Variants in ITIH6 observed in about 807,000 individuals in gnomAD.
The protein encoded by ITIH6 is inter-alpha-trypsin inhibitor heavy chain family member 6, also known as inter-alpha-trypsin inhibitor heavy chain H6.
Under a neutral mutation model 58.2 loss-of-function variants are expected in ITIH6, and 60 were observed. The ratio of observed to expected loss-of-function variants is 1.03; its 90% CI spans 0.84 to 1.28. The LOEUF is 1.28. Ranked by LOEUF, ITIH6 falls within the 50% of genes most tolerant of loss-of-function variation. ITIH6 has a pLI of 0.00. For synonymous variants in ITIH6, 493 were observed against 417.4 expected (o/e 1.18, Z -2.21); for missense variants, 1,290 against 1,021.1 (o/e 1.26, Z -3.59).
chrX:54,776,728 C>G (rs1234376572), intron 5 of ITIH6, among the ~76,000 whole-genome samples: 1 of 110,909 alleles, frequency 9.0e-6, no homozygotes, highest in Non-Finnish European at 1.9e-5. Flanking sequence ...AAGGGAAGGA[C>G]CCAGTTCTTG....
At chrX:54,754,004 T>C in intron 9 of ITIH6, 39 bp from the exon 10 acceptor site, 2 of 1,171,213 alleles carry the variant, frequency 1.7e-6, no homozygotes, top group South Asian at 3.6e-5. Context: ...AAGGGACTAA[T>C]GTATCACATT....
At chrX:54,779,957 G>A (rs1267395826) in intron 5 of ITIH6, among the ~76,000 whole-genome samples, 2 of 111,236 alleles carry the variant, frequency 1.8e-5, no homozygotes, top group South Asian at 3.7e-4. Context: ...TAAAGGGGTC[G>A]ATTTAGCAAG....
chrX:54,762,452 C>T (rs1177020310), intron 6 of ITIH6, among the ~76,000 whole-genome samples: 1 of 111,872 alleles, frequency 8.9e-6, no homozygotes, highest in Non-Finnish European at 1.9e-5. Flanking sequence ...GTAATCTGCT[C>T]TTCTGCCTCA....
chrX:54,788,435 T>G, intron 5 of ITIH6, 45 bp downstream of exon 5: 5 of 1,144,004 alleles, frequency 4.4e-6, no homozygotes, highest in Non-Finnish European at 4.8e-6. Context: ...CAGGCCTGTC[T>G]GACTCCAGAG....
chrX:54,762,173 C>A (rs1218859580), intron 6 of ITIH6, among the ~76,000 whole-genome samples: 1 of 111,427 alleles, frequency 9.0e-6, no homozygotes, highest in African/African-American at 3.3e-5. Context: ...AAGTTGGATT[C>A]CTAGGTATTT....
intron 2 of ITIH6, among the ~76,000 whole-genome samples, chrX:54,792,268 A>G (rs1299235395): frequency 8.9e-6 from 1 of 112,086 alleles, no homozygotes; most frequent in African/African-American, 3.2e-5. Flanking sequence ...AGATGGGGAA[A>G]TAGAGGCCAC....
chrX:54,775,557 C>G (rs1410095345), intron 5 of ITIH6, among the ~76,000 whole-genome samples: 2 of 111,908 alleles, frequency 1.8e-5, no homozygotes, highest in Non-Finnish European at 3.8e-5. Context: ...CAGTACTCCT[C>G]AGGTCCCCTC....
At chrX:54,796,541 G>A (rs1307859751) in intron 2 of ITIH6, among the ~76,000 whole-genome samples, 2 of 110,180 alleles carry the variant, frequency 1.8e-5, no homozygotes, top group South Asian at 3.9e-4. Flanking sequence ...AAAATTAGCC[G>A]GGTGTGGTGG....
chrX:54,757,653 C>T lies in ITIH6; in HGVS notation c.2421G>A (p.Gln807=), dbSNP rs1569543876. The T allele has an allele frequency of 8.3e-7, 1 of 1,210,767 alleles. No individual in the cohort carries two copies. ...LTSQAPKGLP[Q]SRPGVSTLQV... ...GAAGTGTAGAGACTCCAGGTCTTGA[C>T]TGTGGCAGGCCTTTAGGTGCCTGTG... The change falls in exon 8 of 13, where the codon CAG becomes CAA. Residue 807 remains glutamine (Q), a synonymous_variant. Coordinates refer to ENST00000218436, the MANE Select transcript of ITIH6 (RefSeq NM_198510.3).
chrX:54,753,542 G>A, intron 11 of ITIH6, 109 bp downstream of exon 11: 2 of 514,316 alleles, frequency 3.9e-6, no homozygotes, highest in Non-Finnish European at 6.8e-6. Context: ...CCGTGTGTTA[G>A]TGAGGTGCAT....
intron 5 of ITIH6, 28 bp from the exon 6 acceptor site, chrX:54,774,225 A>G: frequency 1.3e-6 from 1 of 773,498 alleles, no homozygotes; most frequent in Non-Finnish European, 1.9e-6. Context: ...AAAAAAAAGT[A>G]GAACCAAGAA....
chrX:54,755,907 T>C (rs1196344303), intron 8 of ITIH6, among the ~76,000 whole-genome samples: 1 of 111,029 alleles, frequency 9.0e-6, no homozygotes, highest in Non-Finnish European at 1.9e-5. Context: ...GTGATTTGTG[T>C]CTTTAAAGGA....
At chrX:54,754,056 C>G in intron 9 of ITIH6, 91 bp from the exon 10 acceptor site, 1 of 925,062 alleles carries the variant, frequency 1.1e-6, no homozygotes, top group Non-Finnish European at 1.5e-6. Flanking sequence ...GGGCCAAATT[C>G]CTGTGTTCAG....
At chrX:54,787,912 A>G (rs1929270518) in intron 5 of ITIH6, among the ~76,000 whole-genome samples, 1 of 110,661 alleles carries the variant, frequency 9.0e-6, no homozygotes, top group Admixed American at 9.6e-5. Flanking sequence ...GTGGAACCAG[A>G]TGTCTCAGGC....
In ITIH6 at chrX:54,757,401, G is replaced by A; in HGVS notation, c.2673C>T (p.Asp891=). ...MPQTPLPPRP[D]RPRPPLPESL... ...TCTCAGGAAGTGGGGGCCTTGGTCT[G>A]TCAGGTCTAGGAGGTAGTGGGGTTT... The change falls in exon 8 of 13, where the codon GAC becomes GAT. Residue 891 remains aspartate (D), a synonymous_variant. Coordinates refer to ENST00000218436, the MANE Select transcript of ITIH6 (RefSeq NM_198510.3). 5.8e-6 allele frequency: 7 copies of A among 1,210,868 alleles called. No homozygotes were observed. The Middle Eastern group carries it at 1.4e-3, about 239-fold the overall frequency.
intron 9 of ITIH6, 35 bp downstream of exon 9, chrX:54,754,982 C>T (rs1327439534): frequency 1.2e-5 from 13 of 1,055,797 alleles, no homozygotes; most frequent in Non-Finnish European, 1.7e-5. Flanking sequence ...AAATGAAGGC[C>T]CAGGGGATCT....
chrX:54,763,145 G>A (rs1219374948), intron 6 of ITIH6, among the ~76,000 whole-genome samples: 1 of 111,837 alleles, frequency 8.9e-6, no homozygotes, highest in Non-Finnish European at 1.9e-5. Context: ...GGATTTCAGA[G>A]ACCACAGGAA....
At position 54,759,960 on chromosome X, in the gene ITIH6, A is replaced by G. The variant is rs781613624; in HGVS notation, c.904-33T>C. ...ATATGGATGAAATGAAGAGAATGGG[A>G]CAAGACTTGAGGTCTATGAGATTGA... is the stretch of plus-strand genomic sequence containing the variant. On this transcript the variant is annotated intron_variant, in intron 6 of 12. Transcript: ENST00000218436. 6.2e-6 allele frequency: 7 copies of G among 1,130,635 alleles called. No homozygotes were observed. In the African/African-American group the frequency reaches 1.3e-4, roughly 20 times the overall value. The allele number at this position is 1,130,635 out of a possible 1,213,427, so 93.2% of individuals were successfully genotyped here.
rs1272103102 is a variant in ITIH6, at chrX:54,751,373, A to G, written c.3360T>C (p.His1120=). The part of the protein sequence containing the change: ...QLIEDPKAGL[H]VSGKLLGAPP... ...GTGCGCCAAGCAGCTTCCCACTCAC[A>G]TGCAGCCCTGGAGGGAGGGGAGTGT... is the stretch of plus-strand genomic sequence containing the variant. The change falls in exon 12 of 13, where the codon CAT becomes CAC. Residue 1120 remains histidine (H), a synonymous_variant. Coordinates refer to ENST00000218436, the MANE Select transcript of ITIH6 (RefSeq NM_198510.3). 9.9e-6 allele frequency: 12 copies of G among 1,210,934 alleles called. No homozygotes were observed.
Sources: allele counts gnomAD v4.1 joint callset (sites outside exome capture counted in the v4.1 genomes callset), GRCh38; gene constraint gnomAD v4.1.1; transcripts MANE v1.5; gene names NCBI Gene and HGNC (gene_info 2026-07-23, HGNC 2026-07-21).